The following RHEB variants were observed in gnomAD, a reference collection of about 807,000 sequenced individuals.
RHEB encodes the protein Ras homolog, mTORC1 binding.
In RHEB, 2 loss-of-function variants were observed where a neutral mutation model predicts 28.8. That is an observed-to-expected ratio of 0.07 (90% confidence interval 0.03 to 0.22). The LOEUF is 0.22. Ranked by LOEUF, RHEB falls within the 10% of genes least tolerant of loss-of-function variation. The pLI is 1.00. For synonymous variants in RHEB, 69 were observed against 77.3 expected (o/e 0.89, Z 0.56); for missense variants, 76 against 219.9 (o/e 0.35, Z 4.14).
chr7:151,480,502 G>A (rs1047966289), intron 3 of RHEB, among the ~76,000 whole-genome samples: 1 of 151,836 alleles, frequency 6.6e-6, no homozygotes, highest in African/African-American at 2.4e-5. Flanking sequence ...TGGTGGGGGT[G>A]GGGGGTTAGA....
intron 4 of RHEB, chr7:151,471,851 C>T: frequency 2.2e-6 from 1 of 448,116 alleles, no homozygotes; most frequent in Non-Finnish European, 3.9e-6. Context: ...GGAAAGCCTA[C>T]CACTGGGCTG....
chr7:151,491,922 G>C (rs915087513), intron 1 of RHEB, among the ~76,000 whole-genome samples: 1 of 152,128 alleles, frequency 6.6e-6, no homozygotes, highest in Non-Finnish European at 1.5e-5. Context: ...AACAACTAGA[G>C]CCTTAGCTTC....
chr7:151,484,338 C>G lies in RHEB; in HGVS notation c.192+399G>C, dbSNP rs867233449. Among the ~76,000 whole-genome samples the G allele has an allele frequency of 4.6e-5, 7 of 151,950 alleles. No homozygotes were observed. The South Asian group carries it at 1.5e-3, about 32-fold the overall frequency. On this transcript the variant is annotated intron_variant, in intron 3 of 7. Coordinates refer to ENST00000262187, the MANE Select transcript of RHEB (RefSeq NM_005614.4). ...CCACTATCCTGTAATAAGTATTAAC[C>G]CTTACAATGTTAATATATTTAAAGC... is the stretch of plus-strand genomic sequence containing the variant.
chr7:151,498,260 T>A, intron 1 of RHEB: 1 of 668,584 alleles, frequency 1.5e-6, no homozygotes, highest in East Asian at 6.6e-5. Context: ...GCTCTCTAAC[T>A]TTAGGGGAAA....
intron 1 of RHEB, chr7:151,503,022 G>A (rs901680489): frequency 1.4e-5 from 11 of 783,506 alleles, no homozygotes; most frequent in African/African-American, 3.4e-5. Context: ...TCAATAGAAC[G>A]ATACTTTGAT....
At chr7:151,512,534 C>T (rs1803009829) in intron 1 of RHEB, among the ~76,000 whole-genome samples, 2 of 152,172 alleles carry the variant, frequency 1.3e-5, no homozygotes, top group Admixed American at 1.3e-4. Flanking sequence ...CCAATAGGCA[C>T]ACAGATATCA....
intron 1 of RHEB, chr7:151,502,041 G>A: frequency 2.3e-6 from 1 of 428,416 alleles, no homozygotes; most frequent in Non-Finnish European, 4.3e-6. Context: ...TTCAAGACCT[G>A]CCTGGCCAAT....
At chr7:151,503,623 C>T (rs936555257) in intron 1 of RHEB, among the ~76,000 whole-genome samples, 10 of 152,120 alleles carry the variant, frequency 6.6e-5, no homozygotes, top group African/African-American at 2.4e-4. Context: ...AAACCAGACC[C>T]AACCCCACAC....
chr7:151,509,992 T>C (rs924619752), intron 1 of RHEB, among the ~76,000 whole-genome samples: 2 of 152,204 alleles, frequency 1.3e-5, no homozygotes, highest in African/African-American at 4.8e-5. Flanking sequence ...GTCCCTGGTA[T>C]AGATCATCGT....
At chr7:151,514,837 G>A (rs1456616018) in intron 1 of RHEB, among the ~76,000 whole-genome samples, 1 of 152,010 alleles carries the variant, frequency 6.6e-6, no homozygotes, top group African/African-American at 2.4e-5. Flanking sequence ...AAGAGTTCAA[G>A]ACCAGCTTGG....
At chr7:151,471,318 T>C in intron 6 of RHEB, 76 bp downstream of exon 6, 1 of 975,862 alleles carries the variant, frequency 1.0e-6, no homozygotes. Context: ...AAAATATTCT[T>C]GACATCAGAA....
At chr7:151,498,909 T>C (rs1324001811) in intron 1 of RHEB, among the ~76,000 whole-genome samples, 3 of 152,194 alleles carry the variant, frequency 2.0e-5, no homozygotes, top group Non-Finnish European at 4.4e-5. Flanking sequence ...AATCCCAAGT[T>C]TTCAAAGATC....
At chr7:151,498,140 A>C (rs1431607069) in intron 1 of RHEB, 3 of 1,289,680 alleles carry the variant, frequency 2.3e-6, no homozygotes, top group African/African-American at 3.0e-5. Context: ...CAGAACTATA[A>C]CACCACTCAC....
At chr7:151,504,695 T>C (rs1382470699) in intron 1 of RHEB, among the ~76,000 whole-genome samples, 1 of 152,108 alleles carries the variant, frequency 6.6e-6, no homozygotes, top group Non-Finnish European at 1.5e-5. Context: ...TAATATATGG[T>C]TCCATTTATT....
chr7:151,471,495 A>G, intron 5 of RHEB, 54 bp from the exon 6 acceptor site: 2 of 1,544,318 alleles, frequency 1.3e-6, no homozygotes, highest in Non-Finnish European at 1.8e-6. Context: ...TATTGCTCAG[A>G]AGATACTATT....
chr7:151,514,815 T>C (rs557084573), intron 1 of RHEB, among the ~76,000 whole-genome samples: 1 of 152,058 alleles, frequency 6.6e-6, no homozygotes, highest in Non-Finnish European at 1.5e-5. Flanking sequence ...GACCAGAGGA[T>C]TGCTTGAGGT....
At chr7:151,509,162 G>A (rs558462360) in intron 1 of RHEB, among the ~76,000 whole-genome samples, 27 of 152,244 alleles carry the variant, frequency 1.8e-4, no homozygotes, top group Admixed American at 6.5e-4. Context: ...GGGGCCACCC[G>A]GGCCCAGCAA....
intron 1 of RHEB, among the ~76,000 whole-genome samples, chr7:151,509,012 A>G (rs1391257960): frequency 6.6e-6 from 1 of 152,220 alleles, no homozygotes; most frequent in Non-Finnish European, 1.5e-5. Context: ...ATTATAAAAC[A>G]TATTCACACA....
intron 2 of RHEB, among the ~76,000 whole-genome samples, chr7:151,490,024 C>T (rs1317222838): frequency 2.0e-5 from 3 of 152,162 alleles, no homozygotes; most frequent in Non-Finnish European, 1.5e-5. Context: ...GGTGACAAAT[C>T]CTAGATAAGT....
Sources: gnomAD v4.1 joint callset for allele counts (sites outside exome capture counted in the v4.1 genomes callset) on GRCh38, gnomAD v4.1.1 for gene constraint, MANE v1.5 for transcripts, NCBI Gene and HGNC (gene_info 2026-07-23, HGNC 2026-07-21) for gene names.